Variants in ANAPC10 observed in about 807,000 individuals in gnomAD.
ANAPC10 encodes the protein anaphase-promoting complex subunit 10.
Under a neutral mutation model 22.0 loss-of-function variants are expected in ANAPC10, and 12 were observed. The ratio of observed to expected loss-of-function variants is 0.55; its 90% CI spans 0.35 to 0.88. The LOEUF (loss-of-function observed/expected upper bound fraction) is 0.88. Among genes scored for constraint, ANAPC10 ranks in the 40% least tolerant of loss-of-function variants. ANAPC10 has a pLI of 0.01. For synonymous variants in ANAPC10, 65 were observed against 69.5 expected, an observed-to-expected ratio of 0.94 and a Z score of 0.32; for missense variants, 188 against 220.9, an observed-to-expected ratio of 0.85 and a Z score of 0.94.
intron 4 of ANAPC10, among the ~76,000 whole-genome samples, chr4:144,998,781 A>G (rs1086104): frequency 0.2 from 29,995 of 152,124 alleles, 3,430 homozygotes; most frequent in East Asian, 0.45. Context: ...GCAGGACTGA[A>G]GGAGATAGAG....
chr4:145,032,899 G>A (rs1195374530), intron 4 of ANAPC10: 3 of 152,244 alleles, frequency 2.0e-5, no homozygotes, highest in African/African-American at 7.2e-5. Context: ...TATCCTGCAT[G>A]CAATGCTTCT....
At chr4:145,018,489 T>C (rs1735537704) in intron 4 of ANAPC10, among the ~76,000 whole-genome samples, 2 of 151,224 alleles carry the variant, frequency 1.3e-5, no homozygotes, top group Non-Finnish European at 3.0e-5. Context: ...CAAAAAAAAA[T>C]AAGCCAGGCA....
chr4:145,054,638 T>TGCGC (rs1178846374), intron 4 of ANAPC10, among the ~76,000 whole-genome samples: 15 of 65,492 alleles, frequency 2.3e-4, no homozygotes, highest in Admixed American at 1.5e-3. Context: ...TGTGTGTGTG[T>TGCGC]GTGCGCGCGC....
At chr4:145,034,830 C>T (rs7695561) in intron 4 of ANAPC10, among the ~76,000 whole-genome samples, 3 of 151,810 alleles carry the variant, frequency 2.0e-5, no homozygotes, top group Admixed American at 6.6e-5. Context: ...GATGACTCAA[C>T]GTCTCCCAGG....
At chr4:145,005,529 C>G (rs554061508) in intron 4 of ANAPC10, among the ~76,000 whole-genome samples, 3 of 152,104 alleles carry the variant, frequency 2.0e-5, no homozygotes, top group Admixed American at 6.6e-5. Context: ...TCTCGGTTCC[C>G]TAGTTCTTTT....
At chr4:145,009,273 A>T (rs1353344151) in intron 4 of ANAPC10, among the ~76,000 whole-genome samples, 1 of 152,152 alleles carries the variant, frequency 6.6e-6, no homozygotes, top group Non-Finnish European at 1.5e-5. Flanking sequence ...TAATTTATAG[A>T]TTCAATGTCA....
chr4:145,074,718 C>T (rs1744950767), intron 3 of ANAPC10, among the ~76,000 whole-genome samples: 2 of 152,150 alleles, frequency 1.3e-5, no homozygotes, highest in Non-Finnish European at 2.9e-5. Context: ...ACCATCTATA[C>T]AAATAAATAA....
intron 3 of ANAPC10, among the ~76,000 whole-genome samples, chr4:145,071,131 G>C (rs1744427321): frequency 6.6e-6 from 1 of 152,238 alleles, no homozygotes; most frequent in Non-Finnish European, 1.5e-5. Flanking sequence ...GGCTGGCCAG[G>C]AACAGTGGCT....
rs34108009 is a variant in ANAPC10, at chr4:144,995,734, T to C, written c.328-131A>G. On this transcript the variant is annotated intron_variant, in intron 4 of 4. Transcript: ENST00000507656. ...CGAAAGAATGACAATATGATAATAA[T>C]CACTACCAGTTATTGGACACTTTTA... The C allele has an allele frequency of 2.6e-4, 172 of 664,860 alleles. No individual in the cohort carries two copies. The East Asian group carries it at 4.7e-3, about 18-fold the overall frequency. The allele number at this position is 664,860 out of a possible 1,614,324, so 41.2% of individuals were successfully genotyped here.
At chr4:145,090,759 T>A (rs1341696497) in intron 2 of ANAPC10, among the ~76,000 whole-genome samples, 1 of 152,232 alleles carries the variant, frequency 6.6e-6, no homozygotes, top group Non-Finnish European at 1.5e-5. Context: ...TAGAACAGCA[T>A]CTATCACTTA....
chr4:145,092,500 A>G (rs1230831719), intron 2 of ANAPC10, among the ~76,000 whole-genome samples: 2 of 152,196 alleles, frequency 1.3e-5, no homozygotes, highest in Non-Finnish European at 2.9e-5. Flanking sequence ...AACAAGACCA[A>G]ATAAATACAT....
At chr4:145,029,028 A>G (rs906147950) in intron 4 of ANAPC10, among the ~76,000 whole-genome samples, 1 of 152,162 alleles carries the variant, frequency 6.6e-6, no homozygotes, top group African/African-American at 2.4e-5. Context: ...ACCTGCAACG[A>G]AAGATGCATG....
intron 4 of ANAPC10, among the ~76,000 whole-genome samples, chr4:145,030,677 C>T (rs1430340194): frequency 2.6e-5 from 4 of 152,208 alleles, no homozygotes; most frequent in Admixed American, 6.5e-5. Flanking sequence ...TACTTAGCAG[C>T]TGGCAGAACC....
chr4:145,053,916 G>T, intron 4 of ANAPC10: 2 of 435,832 alleles, frequency 4.6e-6, no homozygotes, highest in Non-Finnish European at 8.1e-6. Flanking sequence ...GTGTGTGTGT[G>T]TGTTTTTTTT....
At chr4:145,091,966 G>A (rs1176345335) in intron 2 of ANAPC10, among the ~76,000 whole-genome samples, 2 of 152,150 alleles carry the variant, frequency 1.3e-5, no homozygotes, top group African/African-American at 4.8e-5. Flanking sequence ...GGCACATGCA[G>A]CCTACCTAAG....
intron 4 of ANAPC10, among the ~76,000 whole-genome samples, chr4:145,009,622 T>C (rs981835238): frequency 2.4e-4 from 37 of 152,112 alleles, no homozygotes; most frequent in Non-Finnish European, 8.8e-5. Flanking sequence ...TAGCCATATG[T>C]AGAAAGCTGA....
chr4:145,007,582 G>T (rs1186433934), intron 4 of ANAPC10, among the ~76,000 whole-genome samples: 1 of 152,118 alleles, frequency 6.6e-6, no homozygotes, highest in Non-Finnish European at 1.5e-5. Context: ...TGACTACTGG[G>T]TACATAACGA....
At chr4:145,093,184 G>A (rs893219992) in intron 2 of ANAPC10, among the ~76,000 whole-genome samples, 1 of 152,186 alleles carries the variant, frequency 6.6e-6, no homozygotes, top group Non-Finnish European at 1.5e-5. Context: ...GAAAACTGGA[G>A]TGGAACTATT....
chr4:145,060,513 A>G (rs1184738111), intron 4 of ANAPC10, among the ~76,000 whole-genome samples: 1 of 152,032 alleles, frequency 6.6e-6, no homozygotes, highest in Non-Finnish European at 1.5e-5. Context: ...TTTTTAAGTT[A>G]CTACTTCAAA....
Sources: gnomAD v4.1 joint callset for allele counts (sites outside exome capture counted in the v4.1 genomes callset) on GRCh38, gnomAD v4.1.1 for gene constraint, MANE v1.5 for transcripts, NCBI Gene and HGNC (gene_info 2026-07-23, HGNC 2026-07-21) for gene names.